Variants in SYT1 observed in about 807,000 individuals in gnomAD.
SYT1 encodes synaptotagmin 1, also known as synaptotagmin-1.
In SYT1, 8 loss-of-function variants were observed where a neutral mutation model predicts 44.8. The ratio of observed to expected loss-of-function variants is 0.18; its 90% CI spans 0.10 to 0.32. The LOEUF is 0.32. Among genes scored for constraint, SYT1 ranks in the 10% least tolerant of loss-of-function variants. The pLI is 1.00. For missense variants in SYT1, 286 were observed against 509.3 expected, an observed-to-expected ratio of 0.56 and a Z score of 4.22; for synonymous variants, 154 against 188.8, an observed-to-expected ratio of 0.82 and a Z score of 1.51.
rs200830513 is a variant in SYT1 at position 79,408,729 on chromosome 12, CTT to C, written c.929-35331_929-35330del. Among the ~76,000 whole-genome samples, 314 of 141,258 alleles carry C rather than the reference CTT, an allele frequency of 2.2e-3. 2 individuals are homozygous for C. Among genetic ancestry groups the C allele is most frequent in the Middle Eastern group, 0.018 (5 of 274 alleles). The allele number at this position is 141,258 out of a possible 152,430, so 92.7% of individuals were successfully genotyped here. ...CACATTTTTTTCTTTCCTTTTCTTT[CTT>C]TTTTTTTTTTTTCCAAGTAATATGG... On this transcript the variant is annotated intron_variant, in intron 9 of 10. Transcript: ENST00000261205.
chr12:79,098,614 A>G (rs1025179890), intron 3 of SYT1, among the ~76,000 whole-genome samples: 1 of 152,258 alleles, frequency 6.6e-6, no homozygotes, highest in Non-Finnish European at 1.5e-5. Flanking sequence ...TTCACTAAGA[A>G]AAAAACATTT....
intron 2 of SYT1, among the ~76,000 whole-genome samples, chr12:79,040,615 C>G (rs1423671430): frequency 6.6e-6 from 1 of 151,780 alleles, no homozygotes; most frequent in South Asian, 2.1e-4. Context: ...TGTGCAGAAG[C>G]TCTTTAGTTT....
Position 79,307,404 on chromosome 12 carries a change from T to C in SYT1, c.810+7853T>C, listed in dbSNP as rs901389166. 2.6e-5 allele frequency among the ~76,000 whole-genome samples: 4 copies of C among 152,206 alleles called. 1 individual carries two copies. Among genetic ancestry groups the C allele is most frequent in the South Asian group, 4.1e-4 (2 of 4,834 alleles). On this transcript the variant is annotated intron_variant, in intron 8 of 10. Transcript: ENST00000261205. Reference sequence around the variant, plus strand: ...ATTCATTCTTTCACTGATTTCATCATATATTAAACCTCTTTTATAAGCCAG... The same window carrying C: ...ATTCATTCTTTCACTGATTTCATCACATATTAAACCTCTTTTATAAGCCAG...
chr12:78,999,898 G>A (rs183005097), intron 2 of SYT1, among the ~76,000 whole-genome samples: 1 of 152,268 alleles, frequency 6.6e-6, no homozygotes, highest in African/African-American at 2.4e-5. Flanking sequence ...CTTAATAGGT[G>A]CCAGGGTGCC....
In SYT1 at chr12:79,299,626, A is replaced by G. The variant is rs1880037468; in HGVS notation, c.810+75A>G. 2.6e-6 allele frequency: 4 copies of G among 1,535,550 alleles called. No homozygotes were observed. In the East Asian group the frequency reaches 9.2e-5, roughly 35 times the overall value. ...GCTGCTCATATAATAACTTATTGAG[A>G]AATACTCTTTACAAAGGGGGATGTG... On this transcript the variant is annotated intron_variant, in intron 8 of 10. Transcript: ENST00000261205.
chr12:79,036,369 T>G (rs1252165304), intron 2 of SYT1: 3 of 151,870 alleles, frequency 2.0e-5, no homozygotes, highest in Non-Finnish European at 4.4e-5. Context: ...GGTATTGAAT[T>G]AGCTCTTCAT....
intron 3 of SYT1, among the ~76,000 whole-genome samples, chr12:79,138,335 A>G (rs1161405673): frequency 6.6e-6 from 1 of 152,228 alleles, no homozygotes; most frequent in African/African-American, 2.4e-5. Context: ...AATTCAGGGC[A>G]TCAAATTTAT....
At chr12:78,912,028 T>C (rs1876365418) in intron 1 of SYT1, among the ~76,000 whole-genome samples, 1 of 151,970 alleles carries the variant, frequency 6.6e-6, no homozygotes, top group Admixed American at 6.6e-5. Context: ...TATTCATGAC[T>C]TCCCAGGTGA....
intron 8 of SYT1, among the ~76,000 whole-genome samples, chr12:79,312,048 A>C (rs1299365446): frequency 6.6e-6 from 1 of 152,004 alleles, no homozygotes; most frequent in Non-Finnish European, 1.5e-5. Context: ...AAATTAATTA[A>C]TTAATTAATT....
chr12:79,087,888 C>G (rs1443401975), intron 3 of SYT1, among the ~76,000 whole-genome samples: 1 of 152,038 alleles, frequency 6.6e-6, no homozygotes, highest in African/African-American at 2.4e-5. Flanking sequence ...ATTTTTTCCT[C>G]CCTCTTACAG....
intron 4 of SYT1, among the ~76,000 whole-genome samples, chr12:79,266,846 A>C (rs993486833): frequency 2.0e-5 from 3 of 152,174 alleles, no homozygotes; most frequent in African/African-American, 7.2e-5. Context: ...ATAATCAAAG[A>C]AAAATGTCCC....
At chr12:78,886,195 AT>A (rs1035483659) in intron 1 of SYT1, among the ~76,000 whole-genome samples, 1 of 151,854 alleles carries the variant, frequency 6.6e-6, no homozygotes, top group African/African-American at 2.4e-5. Context: ...ATATCTTTTT[AT>A]TTTTTTCTAT....
intron 3 of SYT1, among the ~76,000 whole-genome samples, chr12:79,057,115 C>T (rs906334293): frequency 6.6e-6 from 1 of 151,952 alleles, no homozygotes; most frequent in African/African-American, 2.4e-5. Flanking sequence ...TTAGCATTTT[C>T]CTCCTTTCCT....
At chr12:78,974,531 G>A (rs1033953291) in intron 1 of SYT1, among the ~76,000 whole-genome samples, 3 of 151,872 alleles carry the variant, frequency 2.0e-5, no homozygotes, top group Admixed American at 2.0e-4. Context: ...CTGCCTCCCG[G>A]GTTCACGCCG....
chr12:79,414,255 A>G (rs752917306), intron 9 of SYT1, among the ~76,000 whole-genome samples: 30 of 152,220 alleles, frequency 2.0e-4, no homozygotes, highest in Non-Finnish European at 4.3e-4. Flanking sequence ...TTACTGGCCT[A>G]TAAGAATGCA....
intron 9 of SYT1, among the ~76,000 whole-genome samples, chr12:79,419,098 A>G (rs959282242): frequency 2.6e-5 from 4 of 152,124 alleles, no homozygotes; most frequent in Non-Finnish European, 5.9e-5. Flanking sequence ...TTGACCACTG[A>G]GTCTTACTTA....
chr12:79,048,219 A>G (rs1380509772), intron 3 of SYT1, among the ~76,000 whole-genome samples: 4 of 151,862 alleles, frequency 2.6e-5, no homozygotes, highest in Non-Finnish European at 4.4e-5. Flanking sequence ...TGAAACATCT[A>G]TATCTTAGTA....
intron 3 of SYT1, among the ~76,000 whole-genome samples, chr12:79,063,243 T>C (rs540346089): frequency 6.6e-6 from 1 of 152,202 alleles, no homozygotes; most frequent in Non-Finnish European, 1.5e-5. Context: ...AAATGTCTTC[T>C]TTTCTACCAT....
intron 4 of SYT1, among the ~76,000 whole-genome samples, chr12:79,236,982 T>G (rs1813835052): frequency 6.6e-6 from 1 of 152,168 alleles, no homozygotes; most frequent in South Asian, 2.1e-4. Flanking sequence ...AACACAGAAG[T>G]AACATAATTA....
Sources: allele counts gnomAD v4.1 joint callset (sites outside exome capture counted in the v4.1 genomes callset), GRCh38; gene constraint gnomAD v4.1.1; transcripts MANE v1.5; gene names NCBI Gene and HGNC (gene_info 2026-07-23, HGNC 2026-07-21).